Variants in WDR44 observed in about 807,000 individuals in gnomAD.
WDR44 encodes WD repeat-containing protein 44.
Under a neutral mutation model 65.7 loss-of-function variants are expected in WDR44, and 9 were observed. The observed-to-expected ratio is 0.14, with a 90% CI of 0.08 to 0.24. WDR44 has a LOEUF of 0.24. Ranked by LOEUF, WDR44 falls within the 10% of genes least tolerant of loss-of-function variation. The pLI, the probability that WDR44 is intolerant of heterozygous loss-of-function variation, is 1.00. For missense variants in WDR44, 425 were observed against 670.9 expected (o/e 0.63, Z 4.05); for synonymous variants, 220 against 235.2 (o/e 0.94, Z 0.59).
intron 12 of WDR44, among the ~76,000 whole-genome samples, chrX:118,420,284 C>G (rs1034728009): frequency 9.0e-6 from 1 of 110,896 alleles, no homozygotes; most frequent in Non-Finnish European, 1.9e-5. Context: ...CAGAGTCTCG[C>G]TCTGTCGCCG....
At position 118,394,082 on chromosome X, in the gene WDR44, C is replaced by T; in HGVS notation, c.854C>T (p.Ser285Phe). The T allele has an allele frequency of 8.3e-7, 1 of 1,210,415 alleles. No homozygotes were observed. The highest frequency in any genetic ancestry group is 3.0e-5 in the East Asian group (1 of 33,818). The change falls in exon 5 of 20, where the codon TCT becomes TTT. Residue 285 changes from serine to phenylalanine, a missense_variant. This residue lies in a region of WDR44 where 193 missense variants were observed against 209.0 expected (regional missense o/e 0.92). Coordinates refer to ENST00000254029, the MANE Select transcript of WDR44 (RefSeq NM_019045.5). Reference protein sequence around the residue: ...DVPKENITSDSLLTASMASES... With the variant: ...DVPKENITSDFLLTASMASES... ...CCCAAAGAGAATATTACGTCTGATT[C>T]TCTCCTAACCGCAAGCATGGCTTCA... is the stretch of plus-strand genomic sequence containing the variant.
intron 19 of WDR44, chrX:118,444,945 T>G (rs764604393): frequency 3.1e-6 from 1 of 327,861 alleles, no homozygotes; most frequent in Non-Finnish European, 5.9e-6. Context: ...TTCTGAACTT[T>G]TCAGTAATAT....
chrX:118,431,351 T>C (rs2057208713), intron 12 of WDR44, among the ~76,000 whole-genome samples: 1 of 111,816 alleles, frequency 8.9e-6, no homozygotes, highest in African/African-American at 3.3e-5. Flanking sequence ...TGGCCCATGC[T>C]GGAGTGCAAT....
intron 1 of WDR44, among the ~76,000 whole-genome samples, chrX:118,366,614 A>G (rs377653528): frequency 3.6e-4 from 40 of 111,019 alleles, no homozygotes; most frequent in African/African-American, 1.3e-3. Context: ...ATTGATATAA[A>G]CCAAACGTAC....
At position 118,394,002 on chromosome X, in the gene WDR44, C is replaced by G. The variant is rs10127331; in HGVS notation, c.827-53C>G. The G allele has an allele frequency of 1.8e-5, 20 of 1,112,427 alleles. No individual in the cohort carries two copies. The African/African-American group carries it at 2.4e-4, about 13-fold the overall frequency. 91.7% of individuals were successfully genotyped at this position (1,112,427 alleles called of 1,213,427 possible). On this transcript the variant is annotated intron_variant, in intron 4 of 19. Transcript: ENST00000254029. ...AGCCACTTTCCTCACAGGGTTGTTACAAGAATCAAACAAAAAGGGTTGTTA... is the reference window on the plus strand; with the variant it reads ...AGCCACTTTCCTCACAGGGTTGTTAGAAGAATCAAACAAAAAGGGTTGTTA...
chrX:118,410,378 T>A (rs749462916), intron 11 of WDR44, among the ~76,000 whole-genome samples: 1 of 111,885 alleles, frequency 8.9e-6, no homozygotes, highest in East Asian at 2.8e-4. Flanking sequence ...CCTCATATAC[T>A]TGAGTAAATC....
chrX:118,361,962 C>T (rs1329516718), intron 1 of WDR44, among the ~76,000 whole-genome samples: 1 of 112,205 alleles, frequency 8.9e-6, no homozygotes, highest in East Asian at 2.8e-4. Flanking sequence ...TAGTCAGCCA[C>T]GTCAGTAGCT....
intron 1 of WDR44, among the ~76,000 whole-genome samples, chrX:118,352,337 TATA>T (rs2056415728): frequency 2.0e-4 from 4 of 19,810 alleles, no homozygotes; most frequent in African/African-American, 1.3e-3. Context: ...TATATATATA[TATA>T]TATATATATA....
Position 118,410,905 on chromosome X carries a change from C to A in WDR44, c.1683C>A (p.Ser561=). The part of the protein sequence containing the change: ...RMKYNTEGRV[S]PSPSQESLSS... ...TTATGTTGTTTTTAGGACGTGTGTC[C>A]CCATCACCCTCTCAGGAAAGTCTAA... Residue 561 remains serine (S), a synonymous_variant, in exon 12 of 20, where the codon TCC becomes TCA. Coordinates refer to ENST00000254029, the MANE Select transcript of WDR44 (RefSeq NM_019045.5). 1 of 1,200,666 alleles carries A rather than the reference C, an allele frequency of 8.3e-7. No homozygotes were observed. The highest frequency in any genetic ancestry group is 1.1e-6 in the Non-Finnish European group (1 of 891,347).
At chrX:118,404,192 G>A (rs1287877394) in intron 8 of WDR44, 146 bp from the exon 9 acceptor site, 1 of 424,822 alleles carries the variant, frequency 2.4e-6, no homozygotes, top group Non-Finnish European at 4.1e-6. Flanking sequence ...ATAGAATAAG[G>A]GATTTGGAAC....
chrX:118,380,823 A>T (rs1441492640), intron 2 of WDR44, among the ~76,000 whole-genome samples: 1 of 112,290 alleles, frequency 8.9e-6, no homozygotes, highest in Non-Finnish European at 1.9e-5. Context: ...CTGTTACCTG[A>T]AATAGCAGAG....
intron 4 of WDR44, 67 bp from the exon 5 acceptor site, chrX:118,393,988 T>C: frequency 9.7e-7 from 1 of 1,035,824 alleles, no homozygotes; most frequent in South Asian, 2.1e-5. Context: ...GCCACTTTCC[T>C]CACAGGGTTG....
chrX:118,378,632 G>T (rs762558118), intron 2 of WDR44, among the ~76,000 whole-genome samples, 180 bp downstream of exon 2: 1 of 109,844 alleles, frequency 9.1e-6, no homozygotes, highest in Non-Finnish European at 1.9e-5. Flanking sequence ...TAAATATTAT[G>T]CTGTAAAGAA....
chrX:118,399,656 A>C (rs1002154827), intron 8 of WDR44, among the ~76,000 whole-genome samples: 1 of 112,210 alleles, frequency 8.9e-6, no homozygotes, highest in Non-Finnish European at 1.9e-5. Flanking sequence ...ATTCAAAGCC[A>C]TTATGCTTAT....
At chrX:118,395,727 G>T (rs768354433) in intron 6 of WDR44, among the ~76,000 whole-genome samples, 7 of 111,912 alleles carry the variant, frequency 6.3e-5, no homozygotes, top group Admixed American at 1.9e-4. Context: ...GGCTTTAAAA[G>T]AACTTGATAT....
intron 8 of WDR44, among the ~76,000 whole-genome samples, chrX:118,401,617 G>A (rs1280790750): frequency 3.5e-5 from 3 of 85,696 alleles, no homozygotes; most frequent in Non-Finnish European, 6.6e-5. Context: ...CCATTTTGTA[G>A]GTTGCCTGTT....
At chrX:118,352,352 A>ATATATTTTTTTTTTTT (rs1357425730) in intron 1 of WDR44, among the ~76,000 whole-genome samples, 3 of 14,224 alleles carry the variant, frequency 2.1e-4, no homozygotes, top group Non-Finnish European at 2.1e-4. Flanking sequence ...ATATATATAT[A>ATATATTTTTTTTTTTT]TTTTTTTTTT....
intron 1 of WDR44, among the ~76,000 whole-genome samples, chrX:118,352,157 T>G (rs1434015942): frequency 1.0e-5 from 1 of 97,482 alleles, no homozygotes; most frequent in Non-Finnish European, 2.0e-5. Flanking sequence ...TGTTTTTTGT[T>G]TTTTTTTTTG....
chrX:118,400,223 GCTGATGGCCAGAGAAGATT>G (rs1439995108), intron 8 of WDR44, among the ~76,000 whole-genome samples: 1 of 111,121 alleles, frequency 9.0e-6, no homozygotes, highest in African/African-American at 3.3e-5. Flanking sequence ...CTGGCCATCA[GCTGATGGCCAGAGAAGATT>G]GGCCCAGGCT....
Sources: gnomAD v4.1 joint callset for allele counts (sites outside exome capture counted in the v4.1 genomes callset) on GRCh38, gnomAD v4.1.1 for gene constraint, gnomAD v4.1.1 regional missense constraint, MANE v1.5 for transcripts, NCBI Gene and HGNC (gene_info 2026-07-23, HGNC 2026-07-21) for gene names.